CAMTA1: variants seen among roughly 807,000 people sequenced by gnomAD.
CAMTA1 encodes calmodulin-binding transcription activator 1.
CAMTA1 carries 27 observed loss-of-function variants against 170.9 expected under a neutral mutation model. The observed-to-expected ratio is 0.16, with a 90% CI of 0.12 to 0.22. CAMTA1 has a LOEUF of 0.22. Among genes scored for constraint, CAMTA1 ranks in the 10% least tolerant of loss-of-function variants. The pLI is 1.00. For missense variants in CAMTA1, 1,619 were observed against 2,217.2 expected (o/e 0.73, Z 5.42); for synonymous variants, 833 against 891.5 (o/e 0.93, Z 1.17).
intron 3 of CAMTA1, among the ~76,000 whole-genome samples, chr1:6,840,199 C>CA (rs565023900): frequency 9.7e-4 from 140 of 144,364 alleles, no homozygotes; most frequent in African/African-American, 3.1e-3. Flanking sequence ...AACACCGTCT[C>CA]AAAAAAAAAA....
chr1:7,595,333 C>A (rs1037559337), intron 6 of CAMTA1, among the ~76,000 whole-genome samples: 1 of 152,206 alleles, frequency 6.6e-6, no homozygotes. Context: ...TGCAGAGACT[C>A]CGAGGCAAGG....
At chr1:7,371,146 T>TG (rs983691847) in intron 5 of CAMTA1, among the ~76,000 whole-genome samples, 1 of 151,992 alleles carries the variant, frequency 6.6e-6, no homozygotes, top group Non-Finnish European at 1.5e-5. Flanking sequence ...CTCCTGACCT[T>TG]GTGATCCTCC....
chr1:7,543,877 C>T (rs1421941713), intron 6 of CAMTA1, among the ~76,000 whole-genome samples: 6 of 150,740 alleles, frequency 4.0e-5, no homozygotes, highest in African/African-American at 1.2e-4. Flanking sequence ...GTTAAAGCAA[C>T]AGCTCTTGGC....
At chr1:6,874,244 G>A (rs1237136894) in intron 3 of CAMTA1, 1 of 152,268 alleles carries the variant, frequency 6.6e-6, no homozygotes, top group Non-Finnish European at 1.5e-5. Flanking sequence ...GAGAGGCAGT[G>A]GTAGTGAACC....
intron 6 of CAMTA1, among the ~76,000 whole-genome samples, chr1:7,497,742 C>T (rs757780065): frequency 4.6e-5 from 7 of 152,222 alleles, no homozygotes; most frequent in African/African-American, 1.4e-4. Context: ...TGACAGAGCT[C>T]AGCCATGACG....
At chr1:7,749,740 T>C (rs1175281229) in intron 19 of CAMTA1, 1 of 456,008 alleles carries the variant, frequency 2.2e-6, no homozygotes, top group East Asian at 7.0e-5. Flanking sequence ...CAATGTAACA[T>C]TAATCTTGTA....
intron 4 of CAMTA1, among the ~76,000 whole-genome samples, chr1:7,147,229 G>A (rs532708147): frequency 6.6e-6 from 1 of 152,162 alleles, no homozygotes; most frequent in East Asian, 1.9e-4. Context: ...GACCATCCTG[G>A]CTAACATGGT....
At chr1:7,059,912 G>A (rs1707947740) in intron 3 of CAMTA1, among the ~76,000 whole-genome samples, 1 of 152,142 alleles carries the variant, frequency 6.6e-6, no homozygotes, top group Admixed American at 6.5e-5. Flanking sequence ...GTTTAGAGAG[G>A]AGCAATCTAA....
rs200169113 is a variant in CAMTA1, at chr1:6,929,352, T to G, written c.234+104142T>G. Among the ~76,000 whole-genome samples the G allele has an allele frequency of 2.0e-3, 294 of 149,926 alleles. 6 individuals are homozygous for G. The highest frequency in any genetic ancestry group is 0.011 in the East Asian group (59 of 5,160). ...ATACCACCATGCCCAGCTAATTTTT[T>G]TTTTTTTGTTTGTTTGTTTGTTTGT... On this transcript the variant is annotated intron_variant, in intron 3 of 22. Coordinates refer to ENST00000303635, the MANE Select transcript of CAMTA1 (RefSeq NM_015215.4).
At chr1:7,402,987 A>G (rs1250213304) in intron 5 of CAMTA1, among the ~76,000 whole-genome samples, 1 of 152,204 alleles carries the variant, frequency 6.6e-6, no homozygotes, top group Non-Finnish European at 1.5e-5. Context: ...TTGTTTGAAT[A>G]AATGAACAAA....
intron 3 of CAMTA1, among the ~76,000 whole-genome samples, chr1:6,933,347 C>T (rs931572819): frequency 1.3e-5 from 2 of 152,098 alleles, no homozygotes; most frequent in African/African-American, 4.8e-5. Context: ...GCAACGTCCA[C>T]CTCCCAGGTT....
intron 6 of CAMTA1, among the ~76,000 whole-genome samples, chr1:7,538,539 T>C (rs2094574158): frequency 6.6e-6 from 1 of 152,156 alleles, no homozygotes; most frequent in Non-Finnish European, 1.5e-5. Flanking sequence ...TAGTCCCAGC[T>C]ACTAGGGAGA....
intron 6 of CAMTA1, among the ~76,000 whole-genome samples, chr1:7,516,054 GC>G (rs2094281066): frequency 6.6e-6 from 1 of 152,136 alleles, no homozygotes; most frequent in African/African-American, 2.4e-5. Flanking sequence ...TCCTGGACCG[GC>G]CCCCACCAGG....
At chr1:7,460,123 C>A (rs2093047691) in intron 5 of CAMTA1, among the ~76,000 whole-genome samples, 1 of 152,262 alleles carries the variant, frequency 6.6e-6, no homozygotes, top group Admixed American at 6.5e-5. Flanking sequence ...TGGAGTCATG[C>A]ACTCGGCCCC....
At chr1:7,546,772 T>C (rs1403848471) in intron 6 of CAMTA1, among the ~76,000 whole-genome samples, 1 of 152,170 alleles carries the variant, frequency 6.6e-6, no homozygotes, top group Non-Finnish European at 1.5e-5. Flanking sequence ...GAGCACTTTT[T>C]CATATGCTTG....
At chr1:7,476,926 TC>T (rs2093428977) in intron 6 of CAMTA1, among the ~76,000 whole-genome samples, 1 of 152,166 alleles carries the variant, frequency 6.6e-6, no homozygotes, top group African/African-American at 2.4e-5. Flanking sequence ...GGTCTGTGCT[TC>T]AGGTCAGGCC....
chr1:6,789,007 C>A (rs1219032258), intron 1 of CAMTA1, among the ~76,000 whole-genome samples: 2 of 152,204 alleles, frequency 1.3e-5, no homozygotes, highest in Non-Finnish European at 2.9e-5. Context: ...TCTTTCCTCT[C>A]CTTCACCCCT....
rs557245297 is a variant in CAMTA1, at chr1:7,258,442, G to T, written c.438+8816G>T. Among the ~76,000 whole-genome samples, 10 of 152,248 alleles carry T rather than the reference G, an allele frequency of 6.6e-5. No homozygotes were observed. The South Asian group carries it at 2.1e-3, about 32-fold the overall frequency. On this transcript the variant is annotated intron_variant, in intron 5 of 22. Transcript: ENST00000303635. Reference sequence around the variant, plus strand: ...CATAAGGACAGGAATGGAAATTTTAGCATATTCAGTTACAATGTAAACCCT... The same window carrying T: ...CATAAGGACAGGAATGGAAATTTTATCATATTCAGTTACAATGTAAACCCT...
chr1:6,919,138 G>A (rs979505987), intron 3 of CAMTA1, among the ~76,000 whole-genome samples: 4 of 152,340 alleles, frequency 2.6e-5, no homozygotes, highest in Non-Finnish European at 4.4e-5. Flanking sequence ...GTGGTGAGCC[G>A]CCCTGCCTCT....
Sources: allele counts gnomAD v4.1 joint callset (sites outside exome capture counted in the v4.1 genomes callset), GRCh38; gene constraint gnomAD v4.1.1; transcripts MANE v1.5; gene names NCBI Gene and HGNC (gene_info 2026-07-23, HGNC 2026-07-21).